HCN3: variants seen among roughly 807,000 people sequenced by gnomAD.
HCN3 encodes potassium/sodium hyperpolarization-activated cyclic nucleotide-gated channel 3.
A neutral mutation model predicts 56.8 loss-of-function variants in HCN3; 36 were observed. That is an observed-to-expected ratio of 0.63 (90% CI 0.49 to 0.84). The LOEUF (loss-of-function observed/expected upper bound fraction) is 0.84. Ranked by LOEUF, HCN3 falls within the 40% of genes least tolerant of loss-of-function variation. The pLI, the probability that HCN3 is intolerant of heterozygous loss-of-function variation, is 0.00. For synonymous variants in HCN3, 425 were observed against 439.7 expected (o/e 0.97, Z 0.42); for missense variants, 930 against 1,079.3 (o/e 0.86, Z 1.94).
Position 155,284,661 on chromosome 1 carries a change from C to A in HCN3, c.993C>A (p.Ser331Arg). 1 of 1,614,252 alleles carries A rather than the reference C, an allele frequency of 6.2e-7. No homozygotes were observed. Among genetic ancestry groups the A allele is most frequent in the Non-Finnish European group, 8.5e-7 (1 of 1,180,056 alleles). ...CCGACGTCTGGCTCACCATGCTCAG[C>A]ATGATCGTAGGTGCCACATGCTACG... is the stretch of plus-strand genomic sequence containing the variant. ...GMPDVWLTML[S>R]MIVGATCYAM... Residue 331 changes from serine (S) to arginine (R), a missense_variant, in exon 4 of 8, where the codon AGC becomes AGA. Physicochemically the swap from Ser to Arg is moderately radical, Grantham distance 110. Transcript: ENST00000368358. This position sits in a 1 kb window ranked among gnomAD's most constrained non-coding sequence, Gnocchi z 4.3.
intron 1 of HCN3, among the ~76,000 whole-genome samples, chr1:155,280,531 G>A (rs991071469): frequency 2.6e-5 from 4 of 151,360 alleles, no homozygotes; most frequent in Non-Finnish European, 5.9e-5. Context: ...CCGCCTCCCG[G>A]GTTCACGCCA....
chr1:155,288,155 G>A lies in HCN3; in HGVS notation c.2017G>A (p.Ala673Thr), dbSNP rs200510967. The change falls in exon 8 of 8, where the codon GCC becomes ACC. Residue 673 changes from alanine (A) to threonine (T), a missense_variant. By Grantham distance (58) the Ala-to-Thr change is moderately conservative. Transcript: ENST00000368358. This position sits in a 1 kb window ranked among gnomAD's most constrained non-coding sequence, Gnocchi z 6.5. ...ATGGGCATCCACCTCCCGCCTGCCCGCCCCACCTGCCCGAACCCTGCACGC... is the reference window on the plus strand; with the variant it reads ...ATGGGCATCCACCTCCCGCCTGCCCACCCCACCTGCCCGAACCCTGCACGC... Reference protein sequence around the residue: ...GPWASTSRLPAPPARTLHASL... With the variant: ...GPWASTSRLPTPPARTLHASL... 209 of 1,580,152 alleles carry A rather than the reference G, an allele frequency of 1.3e-4. No homozygotes were observed. In the African/African-American group the frequency reaches 1.5e-3, roughly 11 times the overall value.
chr1:155,285,584 A>T lies in HCN3; in HGVS notation c.1237-140A>T. 2 of 1,204,102 alleles carry T rather than the reference A, an allele frequency of 1.7e-6. No homozygotes were observed. Among genetic ancestry groups the T allele is most frequent in the Non-Finnish European group, 1.1e-6 (1 of 875,318 alleles). The allele number at this position is 1,204,102 out of a possible 1,614,324, so 74.6% of individuals were successfully genotyped here. A position where few individuals can be genotyped will look rare whatever the true frequency, so the allele number is the denominator to read the frequency against. On this transcript the variant is annotated intron_variant, in intron 5 of 7. Coordinates refer to ENST00000368358, the MANE Select transcript of HCN3 (RefSeq NM_020897.3). The surrounding 1 kb of genome is among the most constrained non-coding windows in gnomAD (Gnocchi z 4.5). ...AAGATCTGAAGGCAGGAGCTTAGGG[A>T]TGGTCCCAGGCCCACTGATGCCTCC...
At position 155,277,573 on chromosome 1, in the gene HCN3, G is replaced by A. The variant is rs1453465843; in HGVS notation, c.-18G>A. On this transcript the variant is annotated 5_prime_UTR_variant, in exon 1 of 8. Coordinates refer to ENST00000368358, the MANE Select transcript of HCN3 (RefSeq NM_020897.3). ...CAGAGGGCTCTAGGAGGCCGAGCGT[G>A]TAAGCGGGGTGGGCGCCATGGAGGC... The A allele has an allele frequency of 6.4e-7, 1 of 1,555,036 alleles. No homozygotes were observed. Among genetic ancestry groups the A allele is most frequent in the South Asian group, 1.2e-5 (1 of 84,222 alleles).
rs768715446 is a variant in HCN3, at chr1:155,277,832, C to T, written c.242C>T (p.Ala81Val). The change falls in exon 1 of 8, where the codon GCG (alanine) becomes GTG (valine). Residue 81 changes from alanine to valine, a missense_variant. Ala to Val is a moderately conservative substitution (Grantham distance 64). Coordinates refer to ENST00000368358, the MANE Select transcript of HCN3 (RefSeq NM_020897.3). ...VEIEQERVKS[A>V]GAWIIHPYSD... The stretch of plus-strand genomic sequence containing the variant: ...ATCGAGCAGGAGCGGGTGAAGTCAG[C>T]GGGGGCCTGGATCATCCACCCCTAC... 4 of 1,612,090 alleles carry T rather than the reference C, an allele frequency of 2.5e-6. No individual in the cohort carries two copies. Among genetic ancestry groups the T allele is most frequent in the Non-Finnish European group, 3.4e-6 (4 of 1,179,950 alleles).
Position 155,288,377 on chromosome 1 carries a change from A to G in HCN3, c.2239A>G (p.Lys747Glu). The G allele has an allele frequency of 6.2e-7, 1 of 1,613,842 alleles. No homozygotes were observed. Among genetic ancestry groups the G allele is most frequent in the Non-Finnish European group, 8.5e-7 (1 of 1,179,996 alleles). ...GCTGCCTCCCTCAGGGCTCCTGGCC[A>G]AACCTCCAAGGACAGCCCAGCCCCC... ...ERLPPSGLLA[K>E]PPRTAQPPRP... is the part of the protein sequence containing the mutation. The change falls in exon 8 of 8, where the codon AAA (lysine) becomes GAA (glutamate). Residue 747 changes from lysine to glutamate, a missense_variant. Physicochemically the swap from Lys to Glu is moderately conservative, Grantham distance 56. Coordinates refer to ENST00000368358, the MANE Select transcript of HCN3 (RefSeq NM_020897.3). The surrounding 1 kb of genome is among the most constrained non-coding windows in gnomAD (Gnocchi z 6.5).
Position 155,282,981 on chromosome 1 carries a change from CT to C in HCN3, c.708+143del. ...TATAGTGTGGGGAAGATGGGTGGGGCTTCCGTGCGTGAGCTCTCTCCAAAAC... is the reference window on the plus strand; with the variant it reads ...TATAGTGTGGGGAAGATGGGTGGGGCTCCGTGCGTGAGCTCTCTCCAAAAC... On this transcript the variant is annotated intron_variant, in intron 2 of 7. Transcript: ENST00000368358. The surrounding 1 kb of genome is among the most constrained non-coding windows in gnomAD (Gnocchi z 4.7). 1 of 844,510 alleles carries C rather than the reference CT, an allele frequency of 1.2e-6. No homozygotes were observed. The highest frequency in any genetic ancestry group is 2.7e-5 in the East Asian group (1 of 37,528). The allele number at this position is 844,510 out of a possible 1,614,324, so 52.3% of individuals were successfully genotyped here. A position where few individuals can be genotyped will look rare whatever the true frequency, so the allele number is the denominator to read the frequency against.
At position 155,277,469 on chromosome 1, in the gene HCN3, G is replaced by C; in HGVS notation, c.-122G>C. On this transcript the variant is annotated 5_prime_UTR_variant, in exon 1 of 8. Transcript: ENST00000368358. ...CTCCGCCCCGCGCGCCGGCGATTCC[G>C]AGCCTACGACGCCTCCGCTAGAGCC... 5 of 1,261,184 alleles carry C rather than the reference G, an allele frequency of 4.0e-6. No homozygotes were observed. Among genetic ancestry groups the C allele is most frequent in the Non-Finnish European group, 4.2e-6 (4 of 942,864 alleles). 78.1% of individuals were successfully genotyped at this position (1,261,184 alleles called of 1,614,324 possible). A position where few individuals can be genotyped will look rare whatever the true frequency, so the allele number is the denominator to read the frequency against.
In HCN3 at chr1:155,282,334, G is replaced by T; in HGVS notation, c.279-77G>T. On this transcript the variant is annotated intron_variant, in intron 1 of 7. Coordinates refer to ENST00000368358, the MANE Select transcript of HCN3 (RefSeq NM_020897.3). This position sits in a 1 kb window ranked among gnomAD's most constrained non-coding sequence, Gnocchi z 4.7. ...TGTATCTTTGCCCATTCTTGGCCAT[G>T]TCAGCCTATCTTCTGTCAGTCTAGT... The T allele has an allele frequency of 2.2e-6, 3 of 1,394,340 alleles. No homozygotes were observed. Among genetic ancestry groups the T allele is most frequent in the Non-Finnish European group, 3.0e-6 (3 of 995,532 alleles). 86.4% of individuals were successfully genotyped at this position (1,394,340 alleles called of 1,614,324 possible).
In HCN3 at chr1:155,277,648, G is replaced by A; in HGVS notation, c.58G>A (p.Glu20Lys). The A allele has an allele frequency of 6.4e-7, 1 of 1,554,760 alleles. No individual in the cohort carries two copies. The highest frequency in any genetic ancestry group is 8.7e-7 in the Non-Finnish European group (1 of 1,150,482). ...CAGCGAAGGGGCGACCCCTGGACTG[G>A]AGGCGGTGCCTCCCGTTGCTCCCCC... The part of the protein sequence containing the change: ...GASEGATPGL[E>K]AVPPVAPPPA... The change falls in exon 1 of 8, where the codon GAG becomes AAG. Residue 20 changes from glutamate (E) to lysine (K), a missense_variant. Physicochemically the swap from Glu to Lys is moderately conservative, Grantham distance 56. Coordinates refer to ENST00000368358, the MANE Select transcript of HCN3 (RefSeq NM_020897.3).
chr1:155,287,085 T>C, intron 6 of HCN3, 88 bp from the exon 7 acceptor site: 1 of 1,486,272 alleles, frequency 6.7e-7, no homozygotes, highest in Admixed American at 1.8e-5. Flanking sequence ...GGAGGAGCCT[T>C]AGAAAGTTGG....
In HCN3 at chr1:155,282,651, C is replaced by T; in HGVS notation, c.519C>T (p.Phe173=). 6.2e-7 allele frequency: 1 copy of T among 1,614,234 alleles called. No homozygotes were observed. The highest frequency in any genetic ancestry group is 8.5e-7 in the Non-Finnish European group (1 of 1,180,046). ...GCACGCGCTACCTGCGCACCTGGTT[C>T]CTGGTTGACCTCATCTCTTCTATCC... ...AIRTRYLRTW[F]LVDLISSIPV... The change falls in exon 2 of 8, where the codon TTC becomes TTT. Residue 173 remains phenylalanine, a synonymous_variant. Transcript: ENST00000368358. The surrounding 1 kb of genome is among the most constrained non-coding windows in gnomAD (Gnocchi z 4.7).
At chr1:155,278,530 C>G (rs754073820) in intron 1 of HCN3, 1 of 154,344 alleles carries the variant, frequency 6.5e-6, no homozygotes, top group African/African-American at 2.4e-5. Context: ...TTCACAGTCT[C>G]CGTCAGGGTG....
chr1:155,287,863 G>A lies in HCN3; in HGVS notation c.1725G>A (p.Val575=). 1 of 1,614,042 alleles carries A rather than the reference G, an allele frequency of 6.2e-7. No homozygotes were observed. The highest frequency in any genetic ancestry group is 8.5e-7 in the Non-Finnish European group (1 of 1,179,990). Residue 575 remains valine (V), a synonymous_variant, in exon 8 of 8, where the codon GTG becomes GTA. Coordinates refer to ENST00000368358, the MANE Select transcript of HCN3 (RefSeq NM_020897.3). ...GTGGCATCATGGAGCAGCACTTGGT[G>A]CAACATGACAGAGACATGGCTCGGG... The part of the protein sequence containing the change: ...SSGGIMEQHL[V]QHDRDMARGV...
In HCN3 at chr1:155,285,049, G is replaced by A. The variant is rs1467954387; in HGVS notation, c.1090-116G>A. ...CCTGTGTATCCATGTCTGGTTCCAC[G>A]TTTCACCCCTTTGAGTTTGACCTGT... is the stretch of plus-strand genomic sequence containing the variant. On this transcript the variant is annotated intron_variant, in intron 4 of 7. Coordinates refer to ENST00000368358, the MANE Select transcript of HCN3 (RefSeq NM_020897.3). The surrounding 1 kb of genome is among the most constrained non-coding windows in gnomAD (Gnocchi z 4.5). 9.1e-6 allele frequency: 11 copies of A among 1,208,008 alleles called. No individual in the cohort carries two copies. Among genetic ancestry groups the A allele is most frequent in the East Asian group, 4.7e-5 (2 of 42,432 alleles). The allele number at this position is 1,208,008 out of a possible 1,614,324, so 74.8% of individuals were successfully genotyped here. A position where few individuals can be genotyped will look rare whatever the true frequency, so the allele number is the denominator to read the frequency against.
chr1:155,277,849 C>A lies in HCN3; in HGVS notation c.259C>A (p.His87Asn). 6.2e-7 allele frequency: 1 copy of A among 1,612,114 alleles called. No homozygotes were observed. The highest frequency in any genetic ancestry group is 8.5e-7 in the Non-Finnish European group (1 of 1,179,952). The change falls in exon 1 of 8, where the codon CAC becomes AAC. Residue 87 changes from histidine to asparagine, a missense_variant. Transcript: ENST00000368358. The part of the protein sequence containing the change: ...RVKSAGAWII[H>N]PYSDFRFYWD... ...GAAGTCAGCGGGGGCCTGGATCATC[C>A]ACCCCTACAGCGACTTCCGGTATTG...
rs764382725 is a variant in HCN3, at chr1:155,287,258, T to G, written c.1563T>G (p.His521Gln). 1.2e-6 allele frequency: 2 copies of G among 1,614,042 alleles called. No individual in the cohort carries two copies. Among genetic ancestry groups the G allele is most frequent in the South Asian group, 2.2e-5 (2 of 91,074 alleles). The change falls in exon 7 of 8, where the codon CAT becomes CAG. Residue 521 changes from histidine to glutamine, a missense_variant. By Grantham distance (24) the His-to-Gln change is conservative (BLOSUM62 0). Transcript: ENST00000368358. ...YCRLYSLSVD[H>Q]FNAVLEEFPM... ...GCCTTTACTCACTCAGCGTGGACCA[T>G]TTCAATGCTGTGCTTGAGGAGTTCC... is the stretch of plus-strand genomic sequence containing the variant.
intron 1 of HCN3, among the ~76,000 whole-genome samples, chr1:155,280,738 ATTTTTTTTTTTTTTTTTTT>A (rs34480594): frequency 2.6e-4 from 9 of 34,564 alleles, no homozygotes; most frequent in Non-Finnish European, 3.9e-4. Flanking sequence ...ACGCCCAGCT[ATTTTTTTTTTTTTTTTTTT>A]TTTTTTTTTT....
At chr1:155,279,790 T>C (rs1401626089) in intron 1 of HCN3, among the ~76,000 whole-genome samples, 1 of 152,040 alleles carries the variant, frequency 6.6e-6, no homozygotes, top group East Asian at 1.9e-4. Flanking sequence ...ATTGTCTCCA[T>C]GTAAATGTTT....
Sources: gnomAD v4.1 joint callset for allele counts (sites outside exome capture counted in the v4.1 genomes callset) on GRCh38, gnomAD v4.1.1 for gene constraint, Gnocchi (gnomAD v3.1) non-coding constraint, MANE v1.5 for transcripts, NCBI Gene and HGNC (gene_info 2026-07-23, HGNC 2026-07-21) for gene names.